FAT1: variants seen among roughly 807,000 people sequenced by gnomAD.
FAT1 encodes FAT atypical cadherin 1, also known as protocadherin Fat 1.
Under a neutral mutation model 329.8 loss-of-function variants are expected in FAT1, and 171 were observed. That is an observed-to-expected ratio of 0.52 (90% confidence interval 0.46 to 0.59). The LOEUF is 0.59. Among genes scored for constraint, FAT1 ranks in the 20% least tolerant of loss-of-function variants. The pLI is 0.00. For synonymous variants in FAT1, 2,233 were observed against 2,228.6 expected, an observed-to-expected ratio of 1.00 and a Z score of -0.06; for missense variants, 5,672 against 5,774.4, an observed-to-expected ratio of 0.98 and a Z score of 0.57.
At chr4:186,649,946 A>C (rs1741557296) in intron 3 of FAT1, among the ~76,000 whole-genome samples, 1 of 152,252 alleles carries the variant, frequency 6.6e-6, no homozygotes, top group Non-Finnish European at 1.5e-5. Context: ...TTCTAAAAGA[A>C]TTGGGTAACA....
chr4:186,599,410 C>T (rs1042002840), intron 22 of FAT1, among the ~76,000 whole-genome samples: 9 of 152,148 alleles, frequency 5.9e-5, no homozygotes, highest in Admixed American at 5.2e-4. Context: ...TACCCCACTA[C>T]GCCAGGGCTT....
rs956868161 is a variant in FAT1, at chr4:186,620,758, T to G, written c.5828A>C (p.Gln1943Pro). The part of the protein sequence containing the change: ...TGALTVQNTT[Q>P]LRSRYELTVR... ...GGTTAGCTCGTAGCGGCTTCTTAAC[T>G]GAGTTGTGTTTTGGACAGTGAGAGC... Residue 1943 changes from glutamine (Q) to proline (P), a missense_variant, in exon 10 of 27, where the codon CAG becomes CCG. By Grantham distance (76) the Gln-to-Pro change is moderately conservative (BLOSUM62 -1). This residue lies in a region of FAT1 where 3,966 missense variants were observed against 3,915.2 expected (regional missense o/e 1.01). Coordinates refer to ENST00000441802, the MANE Select transcript of FAT1 (RefSeq NM_005245.4). The G allele has an allele frequency of 6.2e-7, 1 of 1,614,024 alleles. No individual in the cohort carries two copies.
At chr4:186,672,750 A>G (rs1742789778) in intron 2 of FAT1, among the ~76,000 whole-genome samples, 1 of 152,238 alleles carries the variant, frequency 6.6e-6, no homozygotes, top group Non-Finnish European at 1.5e-5. Flanking sequence ...ACTGGGATTC[A>G]ACCCTAAAAG....
intron 6 of FAT1, among the ~76,000 whole-genome samples, chr4:186,634,611 G>GA (rs112037232): frequency 1.1e-3 from 157 of 145,736 alleles, no homozygotes; most frequent in Non-Finnish European, 1.8e-3. Context: ...CGCACACTAT[G>GA]AAAAAAAAAA....
At chr4:186,701,752 T>G (rs1744326246) in intron 2 of FAT1, among the ~76,000 whole-genome samples, 1 of 152,206 alleles carries the variant, frequency 6.6e-6, no homozygotes, top group Non-Finnish European at 1.5e-5. Flanking sequence ...TAAAATATCC[T>G]ACTTTATATG....
At chr4:186,590,054 G>GT (rs1738160427) in intron 26 of FAT1, among the ~76,000 whole-genome samples, 1 of 151,972 alleles carries the variant, frequency 6.6e-6, no homozygotes, top group Non-Finnish European at 1.5e-5. Flanking sequence ...CTGATACACT[G>GT]TAACAATCAA....
chr4:186,631,945 T>C (rs1220184728), intron 7 of FAT1, among the ~76,000 whole-genome samples: 1 of 139,246 alleles, frequency 7.2e-6, no homozygotes, highest in Admixed American at 7.3e-5. Context: ...AAAAATAATC[T>C]AAACACAAAT....
At chr4:186,668,074 T>C (rs1359116334) in intron 2 of FAT1, among the ~76,000 whole-genome samples, 1 of 152,128 alleles carries the variant, frequency 6.6e-6, no homozygotes, top group Admixed American at 6.6e-5. Flanking sequence ...GATCTGAGGA[T>C]TCCGCTCAGA....
Position 186,709,752 on chromosome 4 carries a change from G to A in FAT1, c.76C>T (p.Arg26Ter), listed in dbSNP as rs1579493035. The A allele has an allele frequency of 3.7e-6, 6 of 1,613,346 alleles. No individual in the cohort carries two copies. The highest frequency in any genetic ancestry group is 2.7e-5 in the African/African-American group (2 of 75,028). Reference protein sequence around the residue: ...QHFGDSDGSQRLEQTPLQFTH... With the variant: ...QHFGDSDGSQ ...AACTGCAGAGGAGTCTGTTCAAGTC[G>A]TTGGCTGCCATCACTGTCTCCAAAA... is the stretch of plus-strand genomic sequence containing the variant. Residue 26 changes from arginine to a stop codon, truncating the protein, a stop_gained, in exon 2 of 27, where the codon CGA (arginine) becomes TGA (stop). Transcript: ENST00000441802. LOFTEE classifies it high-confidence loss of function.
At chr4:186,592,272 C>T (rs555124029) in intron 26 of FAT1, among the ~76,000 whole-genome samples, 1 of 152,252 alleles carries the variant, frequency 6.6e-6, no homozygotes, top group African/African-American at 2.4e-5. Context: ...TGCTCTACAC[C>T]CTTTTCTTTG....
chr4:186,722,786 C>T (rs988837424), intron 1 of FAT1, among the ~76,000 whole-genome samples: 1 of 151,886 alleles, frequency 6.6e-6, no homozygotes, highest in Non-Finnish European at 1.5e-5. Flanking sequence ...TCTTTTCAAT[C>T]TTTTCTCATA....
At chr4:186,627,291 C>A (rs1056421361) in intron 9 of FAT1, among the ~76,000 whole-genome samples, 1 of 143,848 alleles carries the variant, frequency 7.0e-6, no homozygotes, top group Admixed American at 7.0e-5. Flanking sequence ...GCACATAAAG[C>A]GAGCTTCATC....
rs148928170 is a variant in FAT1 at position 186,632,014 on chromosome 4, G to A, written c.4323+1670C>T. On this transcript the variant is annotated intron_variant, in intron 7 of 26. Transcript: ENST00000441802. Reference sequence around the variant, plus strand: ...CTGGGCTACTGTTCTCTTATAGTCCGACTGCCTTTCTCTGCCAGCGATTAG... The same window carrying A: ...CTGGGCTACTGTTCTCTTATAGTCCAACTGCCTTTCTCTGCCAGCGATTAG... Among the ~76,000 whole-genome samples, 23 of 151,942 alleles carry A rather than the reference G, an allele frequency of 1.5e-4. No homozygotes were observed. In the East Asian group the frequency reaches 4.3e-3, roughly 28 times the overall value.
At chr4:186,594,227 G>A (rs1482029207) in intron 26 of FAT1, among the ~76,000 whole-genome samples, 6 of 151,834 alleles carry the variant, frequency 4.0e-5, no homozygotes, top group African/African-American at 1.5e-4. Flanking sequence ...CACCACGCCC[G>A]GCTGATTTTT....
At position 186,603,289 on chromosome 4, in the gene FAT1, T is replaced by G. The variant is rs1320200618; in HGVS notation, c.11237A>C (p.Lys3746Thr). 2 of 1,613,876 alleles carry G rather than the reference T, an allele frequency of 1.2e-6. No homozygotes were observed. Among genetic ancestry groups the G allele is most frequent in the African/African-American group, 1.3e-5 (1 of 74,934 alleles). ...KLCAGLDCPW[K>T]FCDEKVSVDE... ...CACAGACACCTTTTCATCGCAGAAC[T>G]TCCAGGGGCAGTCCAGTCCCGCGCA... The change falls in exon 19 of 27, where the codon AAG (lysine) becomes ACG (threonine). Residue 3746 changes from lysine to threonine, a missense_variant. By Grantham distance (78) the Lys-to-Thr change is moderately conservative. Transcript: ENST00000441802.
chr4:186,709,598 C>G lies in FAT1; in HGVS notation c.230G>C (p.Gly77Ala), dbSNP rs2126705398. 6.2e-7 allele frequency: 1 copy of G among 1,613,978 alleles called. No individual in the cohort carries two copies. The highest frequency in any genetic ancestry group is 8.5e-7 in the Non-Finnish European group (1 of 1,179,890). The change falls in exon 2 of 27, where the codon GGA becomes GCA. Residue 77 changes from glycine to alanine, a missense_variant. Transcript: ENST00000441802. ...AGCTTTGAACAGGTTTTCACTGTCT[C>G]CGGAAACAATTTTGTACCTTACTTC... ...AWEVRYKIVS[G>A]DSENLFKAEE...
intron 1 of FAT1, among the ~76,000 whole-genome samples, chr4:186,722,532 G>A (rs56099296): frequency 0.013 from 2,036 of 152,272 alleles, 58 homozygotes; most frequent in African/African-American, 0.046. Context: ...GTCTTCCTAA[G>A]ACAAAAAGAC....
intron 7 of FAT1, among the ~76,000 whole-genome samples, chr4:186,633,330 A>T (rs889843577): frequency 3.3e-5 from 5 of 152,212 alleles, no homozygotes. Context: ...CACTTTAACC[A>T]GTTTTACTGA....
chr4:186,595,928 T>C, intron 25 of FAT1, 102 bp from the exon 26 acceptor site: 1 of 1,224,992 alleles, frequency 8.2e-7, no homozygotes, highest in Non-Finnish European at 1.1e-6. Flanking sequence ...TGGCCTGAGA[T>C]TTACTCAATA....
Sources: gnomAD v4.1 joint callset for allele counts (sites outside exome capture counted in the v4.1 genomes callset) on GRCh38, gnomAD v4.1.1 for gene constraint, gnomAD v4.1.1 regional missense constraint, MANE v1.5 for transcripts, NCBI Gene and HGNC (gene_info 2026-07-23, HGNC 2026-07-21) for gene names.